The following ZFP28 variants were observed in gnomAD, a reference collection of about 807,000 sequenced individuals.
The protein encoded by ZFP28 is zinc finger protein 28 homolog.
Under a neutral mutation model 39.5 loss-of-function variants are expected in ZFP28, and 31 were observed. That is an observed-to-expected ratio of 0.79 (90% confidence interval 0.59 to 1.06). ZFP28 has a LOEUF of 1.06. Among genes scored for constraint, ZFP28 ranks in the 50% least tolerant of loss-of-function variants. The pLI is 0.00. For missense variants in ZFP28, 925 were observed against 1,048.4 expected (o/e 0.88, Z 1.63); for synonymous variants, 400 against 378.6 (o/e 1.06, Z -0.66).
chr19:56,546,050 G>A (rs1460558962), intron 2 of ZFP28: 4 of 152,212 alleles, frequency 2.6e-5, no homozygotes, highest in Admixed American at 6.5e-5. Context: ...TGCCTTGCAC[G>A]TTCTAAGTGC....
intron 2 of ZFP28, among the ~76,000 whole-genome samples, chr19:56,540,785 A>G (rs900257819): frequency 6.6e-6 from 1 of 152,208 alleles, no homozygotes; most frequent in Non-Finnish European, 1.5e-5. Context: ...TCAGTTACAA[A>G]ACAGGTGGCT....
At chr19:56,552,002 A>G in intron 7 of ZFP28, 1 of 957,010 alleles carries the variant, frequency 1.0e-6, no homozygotes, top group Non-Finnish European at 1.2e-6. Context: ...AGTCCAGTAT[A>G]TTATTTCTAA....
intron 1 of ZFP28, 36 bp downstream of exon 1, chr19:56,539,262 G>A: frequency 6.4e-7 from 1 of 1,552,364 alleles, no homozygotes; most frequent in Non-Finnish European, 8.7e-7. Flanking sequence ...GAGCGGACAG[G>A]GACGAATTCA....
rs747290047 is a variant in ZFP28 at position 56,547,560 on chromosome 19, A to T, written c.353A>T (p.Glu118Val). Residue 118 changes from glutamate to valine, a missense_variant, in exon 3 of 8, where the codon GAG becomes GTG. This residue lies in a region of ZFP28 where 556 missense variants were observed against 542.9 expected (regional missense o/e 1.02). Transcript: ENST00000301318. This position sits in a 1 kb window ranked among gnomAD's most constrained non-coding sequence, Gnocchi z 4.6. ...VAVDFSQEEW[E>V]WLNPIQRNLY... is the part of the protein sequence containing the mutation. ...GTAGATTTCTCCCAAGAGGAGTGGG[A>T]GTGGCTGAACCCCATTCAGAGGAAC... The T allele has an allele frequency of 1.7e-5, 27 of 1,613,980 alleles. No homozygotes were observed. The African/African-American group carries it at 3.6e-4, about 22-fold the overall frequency.
upstream of ZFP28, chr19:56,537,704 A>G (rs1392889881): frequency 6.6e-6 from 1 of 152,284 alleles, no homozygotes; most frequent in Non-Finnish European, 1.5e-5. Context: ...CAGAGATAGA[A>G]GTCATCTTAA....
At chr19:56,551,894 T>C (rs2044307577) in intron 7 of ZFP28, 1 of 983,094 alleles carries the variant, frequency 1.0e-6, no homozygotes, top group Non-Finnish European at 1.2e-6. Context: ...AATTCTGTGA[T>C]ATATTGTCTC....
At position 56,553,677 on chromosome 19, in the gene ZFP28, C is replaced by CT. The variant is rs762821415; in HGVS notation, c.899-4dup. The CT allele has an allele frequency of 1.8e-4, 288 of 1,559,626 alleles. No individual in the cohort carries two copies. Among genetic ancestry groups the CT allele is most frequent in the Non-Finnish European group, 2.4e-4 (283 of 1,156,464 alleles). On this transcript the variant is annotated splice_region_variant and splice_polypyrimidine_tract_variant and intron_variant, in intron 7 of 7. Transcript: ENST00000301318. The stretch of plus-strand genomic sequence containing the variant: ...AAGGAAATATGTGTTTTCTTGGTAT[C>CT]TTTCAGGCCAGCGATCTGTACATGA...
At chr19:56,551,002 G>T in intron 7 of ZFP28, 1 of 1,298,922 alleles carries the variant, frequency 7.7e-7, no homozygotes, top group Non-Finnish European at 9.8e-7. Flanking sequence ...GAGCCACTCT[G>T]CTGAGTATTG....
chr19:56,549,990 GA>G (rs2044281122), intron 5 of ZFP28, 76 bp from the exon 6 acceptor site: 1 of 1,222,460 alleles, frequency 8.2e-7, no homozygotes, highest in Middle Eastern at 2.4e-4. Context: ...TTGCAGTGTG[GA>G]CACAGTCCAT....
rs1395747058 is a variant in ZFP28 at position 56,551,591 on chromosome 19, A to G, written c.898+986A>G. 8.1e-6 allele frequency: 8 copies of G among 985,230 alleles called. No homozygotes were observed. In the African/African-American group the frequency reaches 1.4e-4, roughly 17 times the overall value. The allele number at this position is 985,230 out of a possible 1,614,324, so 61.0% of individuals were successfully genotyped here. A position where few individuals can be genotyped will look rare whatever the true frequency, so the allele number is the denominator to read the frequency against. ...GATTGCTGTATTCCTGGATATGAGC[A>G]CCTGCTAGGCTCTGAAAGTTTTTTT... On this transcript the variant is annotated intron_variant, in intron 7 of 7. Coordinates refer to ENST00000301318, the MANE Select transcript of ZFP28 (RefSeq NM_020828.2).
chr19:56,546,233 T>G (rs1306290306), intron 2 of ZFP28: 2 of 152,244 alleles, frequency 1.3e-5, no homozygotes, highest in East Asian at 1.9e-4. Flanking sequence ...TCCAACTGTT[T>G]CGCATGTTCA....
chr19:56,541,968 C>T (rs2044199550), intron 2 of ZFP28, among the ~76,000 whole-genome samples: 1 of 149,372 alleles, frequency 6.7e-6, no homozygotes, highest in Non-Finnish European at 1.5e-5. Context: ...CTCAAGTGAT[C>T]CGCCCACCTC....
At chr19:56,549,949 A>T in intron 5 of ZFP28, 118 bp from the exon 6 acceptor site, 1 of 680,698 alleles carries the variant, frequency 1.5e-6, no homozygotes, top group Non-Finnish European at 2.5e-6. Context: ...ACCAGAACTT[A>T]AGTTGCAGTT....
chr19:56,551,385 A>G, intron 7 of ZFP28: 1 of 985,758 alleles, frequency 1.0e-6, no homozygotes, highest in Non-Finnish European at 1.2e-6. Context: ...AAGTCAGGAT[A>G]AACACACATT....
chr19:56,553,851 C>A lies in ZFP28; in HGVS notation c.1066C>A (p.Gln356Lys), dbSNP rs1481008992. Residue 356 changes from glutamine to lysine, a missense_variant, in exon 8 of 8, where the codon CAA (glutamine) becomes AAA (lysine). Transcript: ENST00000301318. The stretch of plus-strand genomic sequence containing the variant: ...GAAGCTTGCAGTAGGTCAAGAGACA[C>A]AATTCAGGCAAGAGCCAATTACTCA... ...GRKLAVGQET[Q>K]FRQEPITHNK... 1 of 1,613,928 alleles carries A rather than the reference C, an allele frequency of 6.2e-7. No individual in the cohort carries two copies. The highest frequency in any genetic ancestry group is 8.5e-7 in the Non-Finnish European group (1 of 1,180,018).
At chr19:56,553,149 G>C (rs897653678) in intron 7 of ZFP28, 1 of 152,080 alleles carries the variant, frequency 6.6e-6, no homozygotes, top group South Asian at 2.1e-4. Context: ...AAATTGCAAG[G>C]CTTCATTATA....
rs781608850 is a variant in ZFP28 at position 56,550,801 on chromosome 19, T to C, written c.898+196T>C. On this transcript the variant is annotated intron_variant, in intron 7 of 7. Coordinates refer to ENST00000301318, the MANE Select transcript of ZFP28 (RefSeq NM_020828.2). Reference sequence around the variant, plus strand: ...CCCCCTTCTCTCCAGTAACTGCCATTTCCCTGAAGTTCCTTCTTTTCTTGG... The same window carrying C: ...CCCCCTTCTCTCCAGTAACTGCCATCTCCCTGAAGTTCCTTCTTTTCTTGG... 56 of 1,503,668 alleles carry C rather than the reference T, an allele frequency of 3.7e-5. 1 individual carries two copies. Among genetic ancestry groups the C allele is most frequent in the Admixed American group, 2.9e-4 (13 of 44,680 alleles). The allele number at this position is 1,503,668 out of a possible 1,614,324, so 93.1% of individuals were successfully genotyped here. A position where few individuals can be genotyped will look rare whatever the true frequency, so the allele number is the denominator to read the frequency against.
intron 2 of ZFP28, among the ~76,000 whole-genome samples, chr19:56,541,108 C>G (rs2044191718): frequency 6.6e-6 from 1 of 152,186 alleles, no homozygotes; most frequent in African/African-American, 2.4e-5. Flanking sequence ...TATCCTGCTC[C>G]ACTCCTCTGC....
At position 56,549,115 on chromosome 19, in the gene ZFP28, A is replaced by C. The variant is rs754759186; in HGVS notation, c.681A>C (p.Thr227=). The C allele has an allele frequency of 3.6e-5, 58 of 1,603,176 alleles. No individual in the cohort carries two copies. The highest frequency in any genetic ancestry group is 4.2e-5 in the Non-Finnish European group (49 of 1,175,132). ...EHWDYDALFE[T]QPGLVTIKNL... ...GGGATTATGATGCTCTGTTTGAGACACAGCCGGTAAGTCACAAGACAAATT... is the reference window on the plus strand; with the variant it reads ...GGGATTATGATGCTCTGTTTGAGACCCAGCCGGTAAGTCACAAGACAAATT... Residue 227 remains threonine (T), a synonymous_variant, in exon 5 of 8, where the codon ACA becomes ACC. Coordinates refer to ENST00000301318, the MANE Select transcript of ZFP28 (RefSeq NM_020828.2).
Sources: gnomAD v4.1 joint callset for allele counts (sites outside exome capture counted in the v4.1 genomes callset) on GRCh38, gnomAD v4.1.1 for gene constraint, gnomAD v4.1.1 regional missense constraint, Gnocchi (gnomAD v3.1) non-coding constraint, MANE v1.5 for transcripts, NCBI Gene and HGNC (gene_info 2026-07-23, HGNC 2026-07-21) for gene names.